Variants in DGKB observed in about 807,000 individuals in gnomAD.
DGKB encodes the protein diacylglycerol kinase beta.
In DGKB, 67 loss-of-function variants were observed where a neutral mutation model predicts 114.3. The ratio of observed to expected loss-of-function variants is 0.59; its 90% CI spans 0.48 to 0.72. DGKB has a LOEUF of 0.72. DGKB is among the 30% of genes least tolerant of loss of function. DGKB has a pLI of 0.00. For synonymous variants in DGKB, 398 were observed against 323.1 expected (o/e 1.23, Z -2.49); for missense variants, 907 against 975.2 (o/e 0.93, Z 0.93).
At chr7:14,647,988 G>T (rs1328301049) in intron 13 of DGKB, among the ~76,000 whole-genome samples, 1 of 152,220 alleles carries the variant, frequency 6.6e-6, no homozygotes, top group East Asian at 1.9e-4. Context: ...TGGCTCAGAG[G>T]GTCCTACGCC....
chr7:14,544,710 G>A (rs1246262893), intron 20 of DGKB, among the ~76,000 whole-genome samples: 1 of 152,094 alleles, frequency 6.6e-6, no homozygotes, highest in Non-Finnish European at 1.5e-5. Flanking sequence ...AAACATTGGA[G>A]TCTGGATAAT....
At chr7:14,324,743 A>T (rs949079162) in intron 23 of DGKB, among the ~76,000 whole-genome samples, 2 of 152,124 alleles carry the variant, frequency 1.3e-5, no homozygotes, top group Non-Finnish European at 2.9e-5. Context: ...CACCACCAAG[A>T]ATAAAACAAT....
At chr7:14,761,880 G>T (rs1835748518) in intron 2 of DGKB, among the ~76,000 whole-genome samples, 1 of 152,242 alleles carries the variant, frequency 6.6e-6, no homozygotes, top group Non-Finnish European at 1.5e-5. Flanking sequence ...TTAGTTCTTG[G>T]GATAAGGGAG....
chr7:14,903,645 G>A (rs1783468600), upstream of DGKB, among the ~76,000 whole-genome samples: 1 of 152,130 alleles, frequency 6.6e-6, no homozygotes, highest in Non-Finnish European at 1.5e-5. Context: ...GGTAACCTCG[G>A]AGCAGGTGAC....
intron 1 of DGKB, among the ~76,000 whole-genome samples, chr7:14,847,890 CT>C (rs1387511683): frequency 6.6e-6 from 1 of 152,092 alleles, no homozygotes; most frequent in Non-Finnish European, 1.5e-5. Flanking sequence ...ATTATAAAAT[CT>C]CAAAAGAAGT....
chr7:14,601,310 C>A (rs1047479598), intron 17 of DGKB, among the ~76,000 whole-genome samples: 1 of 152,052 alleles, frequency 6.6e-6, no homozygotes, highest in South Asian at 2.1e-4. Context: ...TCTTTGAAGT[C>A]TTTCTGTCCT....
intron 1 of DGKB, among the ~76,000 whole-genome samples, chr7:14,863,822 G>C (rs1473257272): frequency 1.3e-5 from 2 of 151,990 alleles, no homozygotes; most frequent in African/African-American, 2.4e-5. Flanking sequence ...AATGGAGGCC[G>C]GGTGTGGTGG....
At chr7:14,850,442 G>A (rs774130435) in intron 1 of DGKB, among the ~76,000 whole-genome samples, 2 of 152,168 alleles carry the variant, frequency 1.3e-5, no homozygotes, top group Non-Finnish European at 2.9e-5. Flanking sequence ...GCTGAGTAGT[G>A]TTTTAAACTC....
chr7:14,918,103 A>G (rs1191176805), intron 1 of DGKB, among the ~76,000 whole-genome samples: 1 of 152,176 alleles, frequency 6.6e-6, no homozygotes, highest in East Asian at 1.9e-4. Flanking sequence ...AAATTCCCCT[A>G]TTTGATAAAG....
chr7:14,250,013 C>T (rs543550424), intron 23 of DGKB, among the ~76,000 whole-genome samples: 1 of 151,384 alleles, frequency 6.6e-6, no homozygotes, highest in African/African-American at 2.4e-5. Flanking sequence ...GGAGTGCAGT[C>T]GTGCAATCAT....
intron 21 of DGKB, among the ~76,000 whole-genome samples, chr7:14,457,752 C>G (rs1008320620): frequency 1.6e-4 from 25 of 152,176 alleles, no homozygotes; most frequent in African/African-American, 6.0e-4. Flanking sequence ...TGCCCTTTGA[C>G]CTCCTATGAC....
chr7:14,447,823 T>C (rs1419382237), intron 21 of DGKB, among the ~76,000 whole-genome samples: 2 of 152,118 alleles, frequency 1.3e-5, no homozygotes, highest in African/African-American at 4.8e-5. Flanking sequence ...AGAAGCTTTT[T>C]CTTGACTTTG....
chr7:14,925,798 A>G (rs1009451580), intron 1 of DGKB, among the ~76,000 whole-genome samples: 1 of 151,984 alleles, frequency 6.6e-6, no homozygotes, highest in Non-Finnish European at 1.5e-5. Context: ...TGTTTGGTTT[A>G]GTTTTTCAGT....
intron 1 of DGKB, among the ~76,000 whole-genome samples, chr7:14,939,927 A>G (rs2128254169): frequency 6.6e-6 from 1 of 152,194 alleles, no homozygotes; most frequent in East Asian, 1.9e-4. Flanking sequence ...CATATTTATA[A>G]AATTGAAAAA....
chr7:14,792,934 A>C (rs576806274), intron 2 of DGKB, among the ~76,000 whole-genome samples: 2 of 152,268 alleles, frequency 1.3e-5, no homozygotes, highest in African/African-American at 4.8e-5. Flanking sequence ...TAACTCTATA[A>C]AAATGCTCTT....
At chr7:14,901,242 G>A (rs923948859) in intron 1 of DGKB, among the ~76,000 whole-genome samples, 1 of 152,144 alleles carries the variant, frequency 6.6e-6, no homozygotes, top group Non-Finnish European at 1.5e-5. Flanking sequence ...CATTCTTGAC[G>A]TGTTTTATTT....
intron 1 of DGKB, among the ~76,000 whole-genome samples, chr7:14,913,565 G>T (rs1178716214): frequency 2.0e-5 from 3 of 151,158 alleles, no homozygotes; most frequent in East Asian, 3.9e-4. Context: ...TGGAACCCAA[G>T]AAACAATTCT....
chr7:14,930,579 T>C (rs758365174), intron 1 of DGKB, among the ~76,000 whole-genome samples: 1 of 152,220 alleles, frequency 6.6e-6, no homozygotes, highest in African/African-American at 2.4e-5. Flanking sequence ...TTTGCTGAAT[T>C]CATTTATCAA....
rs1000608295 is a variant in DGKB, at chr7:14,823,866, C to G, written c.70+17328G>C. Among the ~76,000 whole-genome samples the G allele has an allele frequency of 2.6e-5, 4 of 152,130 alleles. No homozygotes were observed. In the East Asian group the frequency reaches 7.7e-4, roughly 29 times the overall value. On this transcript the variant is annotated intron_variant, in intron 2 of 25. Transcript: ENST00000402815. ...TTAACATGACCTGTATCACCATTGA[C>G]TTTTCTTTTAGCTCTATGTATTCAT...
Sources: allele counts gnomAD v4.1 joint callset (sites outside exome capture counted in the v4.1 genomes callset), GRCh38; gene constraint gnomAD v4.1.1; transcripts MANE v1.5; gene names NCBI Gene and HGNC (gene_info 2026-07-23, HGNC 2026-07-21).